ABCA10: variants seen among roughly 807,000 people sequenced by gnomAD.
ABCA10 encodes ATP-binding cassette sub-family A member 10.
A neutral mutation model predicts 187.5 loss-of-function variants in ABCA10; 169 were observed. That is an observed-to-expected ratio of 0.90 (90% confidence interval 0.80 to 1.02). The LOEUF (loss-of-function observed/expected upper bound fraction) is 1.02. Among genes scored for constraint, ABCA10 ranks in the 50% least tolerant of loss-of-function variants. The probability of loss-of-function intolerance (pLI) is 0.00; values close to 1 mark genes in which losing one functional copy is unlikely to be tolerated. For missense variants in ABCA10, 1,727 were observed against 1,812.4 expected (o/e 0.95, Z 0.86); for synonymous variants, 574 against 601.8 (o/e 0.95, Z 0.68).
Position 69,153,835 on chromosome 17 carries a change from A to G in ABCA10, c.3961T>C (p.Ser1321Pro), listed in dbSNP as rs1447513653. 6.2e-7 allele frequency: 1 copy of G among 1,612,672 alleles called. No individual in the cohort carries two copies. Among genetic ancestry groups the G allele is most frequent in the Non-Finnish European group, 8.5e-7 (1 of 1,179,424 alleles). Residue 1321 changes from serine (S) to proline (P), a missense_variant, in exon 32 of 39, where the codon TCA becomes CCA. By Grantham distance (74) the Ser-to-Pro change is moderately conservative (BLOSUM62 -1). Coordinates refer to ENST00000690296, the MANE Select transcript of ABCA10 (RefSeq NM_001377321.1). ...TTGTGAGACTTCTCTCTGTACCGTG[A>G]AATACTGAGAGCAGCATCTTCTTTG... ...LGKEDAALSI[S>P]RLVEALKLQE...
chr17:69,222,555 T>C lies in ABCA10; in HGVS notation c.177A>G (p.Ile59Met), dbSNP rs761474461. 1 of 1,583,940 alleles carries C rather than the reference T, an allele frequency of 6.3e-7. No homozygotes were observed. The highest frequency in any genetic ancestry group is 1.2e-5 in the South Asian group (1 of 84,904). ...KFNWGYRIPV[I>M]KEHSEYTEHC... The stretch of plus-strand genomic sequence containing the variant: ...TACCTGTGTATTCAGAGTGCTCCTT[T>C]ATAACTGGGATTCTATATCCCCAAT... Residue 59 changes from isoleucine (I) to methionine (M), a missense_variant, in exon 4 of 39, where the codon ATA (isoleucine) becomes ATG (methionine). Transcript: ENST00000690296.
At chr17:69,222,293 G>T (rs9914747) in intron 4 of ABCA10, among the ~76,000 whole-genome samples, 2 of 150,170 alleles carry the variant, frequency 1.3e-5, no homozygotes, top group Admixed American at 1.3e-4. Flanking sequence ...AGCCAAGATC[G>T]CGCCACTGCA....
intron 9 of ABCA10, among the ~76,000 whole-genome samples, chr17:69,208,378 C>T (rs1265189478): frequency 2.1e-5 from 3 of 144,158 alleles, no homozygotes; most frequent in Middle Eastern, 7.2e-3. Context: ...GATCGCGCCA[C>T]TGCACTCCAG....
chr17:69,192,866 G>A (rs2074471410), intron 15 of ABCA10, among the ~76,000 whole-genome samples: 1 of 152,162 alleles, frequency 6.6e-6, no homozygotes, highest in Non-Finnish European at 1.5e-5. Flanking sequence ...CTAATCCAGT[G>A]CCTCAAAACT....
At chr17:69,220,243 G>C (rs572901144) in intron 5 of ABCA10, among the ~76,000 whole-genome samples, 9 of 152,130 alleles carry the variant, frequency 5.9e-5, no homozygotes, top group African/African-American at 1.7e-4. Context: ...ATTGGGGGAG[G>C]GGGGGTGGTT....
At chr17:69,222,479 A>G in intron 4 of ABCA10, 54 bp downstream of exon 4, 1 of 1,360,710 alleles carries the variant, frequency 7.3e-7, no homozygotes, top group Middle Eastern at 2.6e-4. Flanking sequence ...CATTCCAAAC[A>G]GGGGATTCCA....
At chr17:69,170,739 T>C (rs1182600946) in intron 25 of ABCA10, among the ~76,000 whole-genome samples, 1 of 144,364 alleles carries the variant, frequency 6.9e-6, no homozygotes, top group Non-Finnish European at 1.5e-5. Context: ...TTACATACAC[T>C]GCTAGTTTCA....
chr17:69,149,994 C>G lies in ABCA10; in HGVS notation c.4467G>C (p.Lys1489Asn). The G allele has an allele frequency of 6.2e-7, 1 of 1,611,552 alleles. No homozygotes were observed. Among genetic ancestry groups the G allele is most frequent in the Non-Finnish European group, 8.5e-7 (1 of 1,178,254 alleles). ...DVHPLSRAFF[K>N]LEAMKQTFNL... ...TATACCCAAACTTACTCGCCTCTAACTTGAAAAAGGCCCGAGATAGAGGGT... is the reference window on the plus strand; with the variant it reads ...TATACCCAAACTTACTCGCCTCTAAGTTGAAAAAGGCCCGAGATAGAGGGT... The change falls in exon 37 of 39, where the codon AAG becomes AAC. Residue 1489 changes from lysine to asparagine, a missense_variant. Physicochemically the swap from Lys to Asn is moderately conservative, Grantham distance 94 (BLOSUM62 0). Coordinates refer to ENST00000690296, the MANE Select transcript of ABCA10 (RefSeq NM_001377321.1).
rs200565917 is a variant in ABCA10, at chr17:69,187,724, G to C, written c.2287C>G (p.Arg763Gly). 8.0e-5 allele frequency: 129 copies of C among 1,613,614 alleles called. No homozygotes were observed. Among genetic ancestry groups the C allele is most frequent in the Non-Finnish European group, 2.9e-5 (34 of 1,179,738 alleles). ...RRQIYAVATL[R>G]FLKLRRERRA... ...CTTTCACGCCTTAACTTTAAGAAGC[G>C]AAGTGTTGCCACTGCATAGATTTGT... Residue 763 changes from arginine (R) to glycine (G), a missense_variant, in exon 19 of 39, where the codon CGC becomes GGC. Arg to Gly is a moderately radical substitution (Grantham distance 125, BLOSUM62 -2). Transcript: ENST00000690296.
chr17:69,198,044 T>G (rs1399276767), intron 10 of ABCA10, among the ~76,000 whole-genome samples: 1 of 152,192 alleles, frequency 6.6e-6, no homozygotes, highest in Non-Finnish European at 1.5e-5. Flanking sequence ...ATTTCTACTA[T>G]CTACCCAGGA....
At position 69,220,495 on chromosome 17, in the gene ABCA10, G is replaced by A. The variant is rs139320233; in HGVS notation, c.304-724C>T. The stretch of plus-strand genomic sequence containing the variant: ...CTTAGAAATAAGAGGCCAGGTAAAA[G>A]ATTGGATGTGATGAGTGAGACAGAG... On this transcript the variant is annotated intron_variant, in intron 5 of 38. Transcript: ENST00000690296. Among the ~76,000 whole-genome samples, 280 of 152,248 alleles carry A rather than the reference G, an allele frequency of 1.8e-3. 1 individual carries two copies. The highest frequency in any genetic ancestry group is 6.5e-3 in the African/African-American group (271 of 41,538).
chr17:69,239,610 T>G (rs2074892435), intron 1 of ABCA10, among the ~76,000 whole-genome samples: 1 of 152,046 alleles, frequency 6.6e-6, no homozygotes, highest in Non-Finnish European at 1.5e-5. Context: ...TTCGACAGAG[T>G]TGTTCTGTGT....
chr17:69,177,542 G>A (rs2074343080), intron 22 of ABCA10, among the ~76,000 whole-genome samples: 1 of 151,938 alleles, frequency 6.6e-6, no homozygotes, highest in Non-Finnish European at 1.5e-5. Context: ...TTCACCATTG[G>A]GATTCCAATG....
chr17:69,155,889 C>G lies in ABCA10; in HGVS notation c.3492G>C (p.Pro1164=). The change falls in exon 29 of 39, where the codon CCG becomes CCC. Residue 1164 remains proline, a synonymous_variant. Transcript: ENST00000690296. The part of the protein sequence containing the change: ...SPRSRETHPN[P]EEPEEEDEDV... Reference sequence around the variant, plus strand: ...CTTCATCTTCTTCTTCGGGCTCTTCCGGATTGGGATGAGTTTCTCTACTCC... The same window carrying G: ...CTTCATCTTCTTCTTCGGGCTCTTCGGGATTGGGATGAGTTTCTCTACTCC... The G allele has an allele frequency of 6.2e-7, 1 of 1,613,524 alleles. No individual in the cohort carries two copies. Among genetic ancestry groups the G allele is most frequent in the Non-Finnish European group, 8.5e-7 (1 of 1,179,692 alleles).
In ABCA10 at chr17:69,239,511, G is replaced by T. The variant is rs558121972; in HGVS notation, c.-593+5018C>A. Among the ~76,000 whole-genome samples, 16 of 152,172 alleles carry T rather than the reference G, an allele frequency of 1.1e-4. No homozygotes were observed. The South Asian group carries it at 3.3e-3, about 32-fold the overall frequency. On this transcript the variant is annotated intron_variant, in intron 1 of 39. Coordinates refer to the ABCA10 transcript ENST00000269081. ...GCTTTCTCAGACTGTTATTTAAATG[G>T]GGGTAGGGACCTGCGATCACCCTAC...
Position 69,228,775 on chromosome 17 carries a change from C to G in ABCA10, c.-507G>C, listed in dbSNP as rs1352921253. The G allele has an allele frequency of 6.6e-6, 1 of 151,900 alleles. No homozygotes were observed. The highest frequency in any genetic ancestry group is 1.5e-5 in the Non-Finnish European group (1 of 67,900). The allele number at this position is 151,900 out of a possible 1,614,324, so 9.4% of individuals were successfully genotyped here. On this transcript the variant is annotated 5_prime_UTR_variant, in exon 1 of 39. Coordinates refer to ENST00000690296, the MANE Select transcript of ABCA10 (RefSeq NM_001377321.1). ...TGCCAACAAATTCTGTTGGTTTTTT[C>G]CCTATGTTTTTCTCCTTGTCCAGTT...
chr17:69,185,370 G>T, intron 20 of ABCA10, 107 bp downstream of exon 20: 1 of 1,135,656 alleles, frequency 8.8e-7, no homozygotes, highest in Non-Finnish European at 1.2e-6. Context: ...TGAAAATGGA[G>T]CAAGCTGGAT....
intron 9 of ABCA10, among the ~76,000 whole-genome samples, chr17:69,207,430 C>A (rs1208298517): frequency 6.6e-6 from 1 of 152,170 alleles, no homozygotes; most frequent in Non-Finnish European, 1.5e-5. Context: ...GAAGAGATAT[C>A]TGCACTCCCA....
At chr17:69,221,962 A>C in intron 4 of ABCA10, 67 bp from the exon 5 acceptor site, 1 of 1,237,092 alleles carries the variant, frequency 8.1e-7, no homozygotes, top group Non-Finnish European at 1.1e-6. Flanking sequence ...TTAAAACTTT[A>C]ACTTTGGCTC....
Sources: allele counts gnomAD v4.1 joint callset (sites outside exome capture counted in the v4.1 genomes callset), GRCh38; gene constraint gnomAD v4.1.1; transcripts MANE v1.5; gene names NCBI Gene and HGNC (gene_info 2026-07-23, HGNC 2026-07-21).